CDC73: variants seen among roughly 807,000 people sequenced by gnomAD.
The protein encoded by CDC73 is parafibromin.
Under a neutral mutation model 83.7 loss-of-function variants are expected in CDC73, and 21 were observed. The observed-to-expected ratio is 0.25, with a 90% CI of 0.18 to 0.36. The LOEUF is 0.36. CDC73 is among the 10% of genes least tolerant of loss of function. CDC73 has a pLI of 1.00. For synonymous variants in CDC73, 224 were observed against 212.9 expected, an observed-to-expected ratio of 1.05 and a Z score of -0.45; for missense variants, 342 against 653.3, an observed-to-expected ratio of 0.52 and a Z score of 5.19.
chr1:193,187,163 A>G (rs1432999866), intron 10 of CDC73, among the ~76,000 whole-genome samples: 1 of 130,980 alleles, frequency 7.6e-6, no homozygotes, highest in Non-Finnish European at 1.6e-5. Flanking sequence ...TTACTAATGC[A>G]TGATGTGATA....
At chr1:193,217,310 G>T (rs2102043065) in intron 13 of CDC73, among the ~76,000 whole-genome samples, 1 of 152,242 alleles carries the variant, frequency 6.6e-6, no homozygotes, top group South Asian at 2.1e-4. Context: ...AACCAGCTCA[G>T]ACCCTCTACC....
intron 15 of CDC73, among the ~76,000 whole-genome samples, chr1:193,237,608 T>G: frequency 6.6e-6 from 1 of 151,628 alleles, no homozygotes; most frequent in Non-Finnish European, 1.5e-5. Flanking sequence ...GGGTGGCGGG[T>G]TGGAGGTGGT....
chr1:193,221,162 A>G (rs1677463547), intron 13 of CDC73, among the ~76,000 whole-genome samples: 1 of 152,210 alleles, frequency 6.6e-6, no homozygotes, highest in African/African-American at 2.4e-5. Context: ...AGAAAAAGAA[A>G]AGGATGAGGG....
intron 3 of CDC73, among the ~76,000 whole-genome samples, chr1:193,132,370 G>A (rs1298821561): frequency 6.6e-6 from 1 of 152,206 alleles, no homozygotes; most frequent in East Asian, 1.9e-4. Flanking sequence ...ATGTAAACAT[G>A]TTTACTGTCA....
chr1:193,236,345 T>C lies in CDC73; in HGVS notation c.1406T>C (p.Ile469Thr), dbSNP rs1677757603. ...WLLPDGSPVD[I>T]FAKIKAFHLK... ...TTGCCTGATGGATCACCAGTTGATATATTTGCTAAAAGTAAGATTCTCTTT... is the reference window on the plus strand; with the variant it reads ...TTGCCTGATGGATCACCAGTTGATACATTTGCTAAAAGTAAGATTCTCTTT... The change falls in exon 15 of 17, where the codon ATA becomes ACA. Residue 469 changes from isoleucine to threonine, a missense_variant. This residue lies in a region of CDC73 where 239 missense variants were observed against 420.6 expected (regional missense o/e 0.57). Transcript: ENST00000367435. 6.3e-7 allele frequency: 1 copy of C among 1,599,400 alleles called. No homozygotes were observed. Among genetic ancestry groups the C allele is most frequent in the Non-Finnish European group, 8.6e-7 (1 of 1,166,586 alleles).
intron 11 of CDC73, among the ~76,000 whole-genome samples, chr1:193,210,217 A>G (rs1037645524): frequency 2.6e-5 from 4 of 152,226 alleles, no homozygotes; most frequent in South Asian, 2.1e-4. Flanking sequence ...ACTGAATCCT[A>G]TGACAGTTTA....
chr1:193,214,053 T>TA (rs1409524373), intron 13 of CDC73, among the ~76,000 whole-genome samples: 20 of 152,180 alleles, frequency 1.3e-4, no homozygotes, highest in Admixed American at 1.2e-3. Flanking sequence ...ACTTTAACCT[T>TA]TTGTTGATCA....
chr1:193,240,824 GA>G (rs1169899864), intron 15 of CDC73, among the ~76,000 whole-genome samples: 1 of 152,088 alleles, frequency 6.6e-6, no homozygotes, highest in Non-Finnish European at 1.5e-5. Context: ...TTGCTGTACA[GA>G]AACTTTTTAC....
intron 13 of CDC73, among the ~76,000 whole-genome samples, chr1:193,214,113 T>C (rs548329821): frequency 1.3e-5 from 2 of 152,224 alleles, no homozygotes; most frequent in Admixed American, 6.5e-5. Flanking sequence ...CCTTTCCCTA[T>C]GTAGTTGGTA....
In CDC73 at chr1:193,171,311, T is replaced by C. The variant is rs186231009; in HGVS notation, c.972+18867T>C. 3.3e-5 allele frequency among the ~76,000 whole-genome samples: 5 copies of C among 152,314 alleles called. No individual in the cohort carries two copies. In the East Asian group the frequency reaches 9.6e-4, roughly 29 times the overall value. ...CTTAAAACATTCTCTTACAGTTCTG[T>C]AAATCCAAGGTTCAGGTATATCGTG... On this transcript the variant is annotated intron_variant, in intron 10 of 16. Transcript: ENST00000367435.
At position 193,212,443 on chromosome 1, in the gene CDC73, ATGC is replaced by A. The variant is rs779720553; in HGVS notation, c.1122_1124del (p.Met374_Leu375delinsIle). Reference sequence around the variant, plus strand: ...TGCAGCTACCACCTCTTTAATAACCATGCTTAATGCAAAAGACCTTCTACAGGA... The same window carrying A: ...TGCAGCTACCACCTCTTTAATAACCATTAATGCAAAAGACCTTCTACAGGA... On this transcript the variant is annotated inframe_deletion, in exon 13 of 17. Transcript: ENST00000367435. 6.2e-7 allele frequency: 1 copy of A among 1,607,826 alleles called. No homozygotes were observed. The highest frequency in any genetic ancestry group is 1.1e-5 in the South Asian group (1 of 90,174).
In CDC73 at chr1:193,202,568, A is replaced by G. The variant is rs561250056; in HGVS notation, c.973-1227A>G. Among the ~76,000 whole-genome samples, 54 of 151,386 alleles carry G rather than the reference A, an allele frequency of 3.6e-4. No individual in the cohort carries two copies. The South Asian group carries it at 7.1e-3, about 20-fold the overall frequency. On this transcript the variant is annotated intron_variant, in intron 10 of 16. Transcript: ENST00000367435. ...ATATATATTAATAACTAAATGCGCA[A>G]TAGTGAGAATGTTGGAAAAAGGATA...
intron 14 of CDC73, among the ~76,000 whole-genome samples, 198 bp downstream of exon 14, chr1:193,233,352 C>T (rs941046770): frequency 6.6e-6 from 1 of 152,324 alleles, no homozygotes; most frequent in East Asian, 1.9e-4. Context: ...CATGCCACTG[C>T]ACCTGGCAGC....
intron 13 of CDC73, among the ~76,000 whole-genome samples, chr1:193,229,205 C>T (rs1343123508): frequency 2.0e-5 from 3 of 152,186 alleles, no homozygotes; most frequent in Non-Finnish European, 2.9e-5. Flanking sequence ...CCATGATTCA[C>T]TTGGAGGTAT....
intron 11 of CDC73, among the ~76,000 whole-genome samples, chr1:193,207,555 A>G (rs1337062235): frequency 6.6e-6 from 1 of 152,046 alleles, no homozygotes; most frequent in Non-Finnish European, 1.5e-5. Context: ...TCCCCGGGGT[A>G]TTCCTTGCTG....
chr1:193,150,195 C>A, intron 8 of CDC73, 109 bp from the exon 9 acceptor site: 1 of 763,206 alleles, frequency 1.3e-6, no homozygotes, highest in South Asian at 1.4e-5. Context: ...CACTTGGGCC[C>A]AGGAGGTCTT....
chr1:193,232,861 C>T, intron 13 of CDC73, 132 bp from the exon 14 acceptor site: 1 of 698,996 alleles, frequency 1.4e-6, no homozygotes. Context: ...CAAGATTGCA[C>T]CACTGCACTC....
At chr1:193,220,315 C>T (rs1677445731) in intron 13 of CDC73, among the ~76,000 whole-genome samples, 1 of 151,882 alleles carries the variant, frequency 6.6e-6, no homozygotes, top group African/African-American at 2.4e-5. Flanking sequence ...AGGCGTGCGG[C>T]ACAACACCTG....
At chr1:193,248,521 TATAG>T (rs1677991329) in intron 15 of CDC73, among the ~76,000 whole-genome samples, 1 of 152,100 alleles carries the variant, frequency 6.6e-6, no homozygotes, top group East Asian at 1.9e-4. Context: ...CTTTAGCTGC[TATAG>T]ATAGTGATTC....
Sources: allele counts gnomAD v4.1 joint callset (sites outside exome capture counted in the v4.1 genomes callset), GRCh38; gene constraint gnomAD v4.1.1; regional missense constraint gnomAD v4.1.1; transcripts MANE v1.5; gene names NCBI Gene and HGNC (gene_info 2026-07-23, HGNC 2026-07-21).